Variants in CACNA1E observed in about 807,000 individuals in gnomAD.
CACNA1E encodes the protein voltage-dependent R-type calcium channel subunit alpha-1E.
Under a neutral mutation model 259.2 loss-of-function variants are expected in CACNA1E, and 40 were observed. The observed-to-expected ratio is 0.15, with a 90% CI of 0.12 to 0.20. The LOEUF is 0.20. CACNA1E is among the 10% of genes least tolerant of loss of function. The probability of loss-of-function intolerance (pLI) is 1.00; values close to 1 mark genes in which losing one functional copy is unlikely to be tolerated. For missense variants in CACNA1E, 1,874 were observed against 3,040.1 expected (o/e 0.62, Z 9.02); for synonymous variants, 1,104 against 1,138.5 (o/e 0.97, Z 0.61).
At chr1:181,347,795 G>A (rs1652720267) in intron 1 of CACNA1E, among the ~76,000 whole-genome samples, 1 of 152,260 alleles carries the variant, frequency 6.6e-6, no homozygotes, top group South Asian at 2.1e-4. Context: ...CCTTCACCAC[G>A]AGGAGTTTTT....
At chr1:181,549,987 C>A (rs1647949518) in intron 3 of CACNA1E, among the ~76,000 whole-genome samples, 1 of 152,116 alleles carries the variant, frequency 6.6e-6, no homozygotes, top group Non-Finnish European at 1.5e-5. Flanking sequence ...GCTACATAGA[C>A]CTCCCAGCAC....
At position 181,566,585 on chromosome 1, in the gene CACNA1E, C is replaced by T. The variant is rs1178051226; in HGVS notation, c.513-11181C>T. ...CTTTATTTCTGTATTCTTCGTCTGGCATCCTTTGGGGAACCTCTTCTTGAG... is the reference window on the plus strand; with the variant it reads ...CTTTATTTCTGTATTCTTCGTCTGGTATCCTTTGGGGAACCTCTTCTTGAG... On this transcript the variant is annotated intron_variant, in intron 3 of 47. Coordinates refer to ENST00000367573, the MANE Select transcript of CACNA1E (RefSeq NM_001205293.3). Among the ~76,000 whole-genome samples, 3 of 152,240 alleles carry T rather than the reference C, an allele frequency of 2.0e-5. No individual in the cohort carries two copies. In the East Asian group the frequency reaches 5.8e-4, roughly 29 times the overall value.
chr1:181,807,151 A>G lies in CACNA1E; in HGVS notation c.*8317A>G, dbSNP rs911387877. ...TCTTAAAAAAAAAAAAAAGGAATAA[A>G]AATGTTCTCTGCCTTGGATAACATT... On this transcript the variant is annotated 3_prime_UTR_variant, in exon 48 of 48. Transcript: ENST00000367573. 1 of 152,050 alleles carries G rather than the reference A, an allele frequency of 6.6e-6. No individual in the cohort carries two copies. The highest frequency in any genetic ancestry group is 2.4e-5 in the African/African-American group (1 of 41,398). The allele number at this position is 152,050 out of a possible 1,614,324, so 9.4% of individuals were successfully genotyped here.
At chr1:181,712,556 T>C (rs1442443224) in intron 8 of CACNA1E, among the ~76,000 whole-genome samples, 1 of 152,206 alleles carries the variant, frequency 6.6e-6, no homozygotes, top group Non-Finnish European at 1.5e-5. Context: ...AGAGGGTACC[T>C]GTATGATTGC....
chr1:181,462,308 T>C (rs1326165013), intron 2 of CACNA1E, among the ~76,000 whole-genome samples: 1 of 152,226 alleles, frequency 6.6e-6, no homozygotes, highest in Non-Finnish European at 1.5e-5. Flanking sequence ...TGTGCACATA[T>C]TTATGACTCT....
At chr1:181,475,543 T>C (rs1466562999) in intron 2 of CACNA1E, among the ~76,000 whole-genome samples, 1 of 152,154 alleles carries the variant, frequency 6.6e-6, no homozygotes, top group Non-Finnish European at 1.5e-5. Context: ...GCAGGCGCTG[T>C]GAGCAGGGCT....
At position 181,737,627 on chromosome 1, in the gene CACNA1E, C is replaced by T. The variant is rs774517503; in HGVS notation, c.3525C>T (p.Pro1175=). Residue 1175 remains proline, a synonymous_variant, in exon 23 of 48, where the codon CCC becomes CCT. Transcript: ENST00000367573. ...GCATCGCCCTGGCGGCAGAGGACCC[C>T]GTCCTGACCAACTCGGAGCGCAACA... The part of the protein sequence containing the change: ...ASSIALAAED[P]VLTNSERNKV... 1.6e-4 allele frequency: 251 copies of T among 1,613,898 alleles called. No homozygotes were observed. The highest frequency in any genetic ancestry group is 2.6e-4 in the South Asian group (24 of 91,086).
rs536904186 is a variant in CACNA1E, at chr1:181,743,861, TA to T, written c.3719+4609del. 2.3e-4 allele frequency among the ~76,000 whole-genome samples: 35 copies of T among 152,360 alleles called. 1 individual carries two copies. In the East Asian group the frequency reaches 6.7e-3, roughly 29 times the overall value. On this transcript the variant is annotated intron_variant, in intron 25 of 47. Transcript: ENST00000367573. Reference sequence around the variant, plus strand: ...TTGATCGTCAGCACAGATGGTTTAATAGAAAAATAACTAGCAATTCTGCTCC... The same window carrying T: ...TTGATCGTCAGCACAGATGGTTTAATGAAAAATAACTAGCAATTCTGCTCC...
chr1:181,357,365 A>G (rs146350205), intron 1 of CACNA1E, among the ~76,000 whole-genome samples: 264 of 152,264 alleles, frequency 1.7e-3, no homozygotes, highest in African/African-American at 6.2e-3. Context: ...TATTCAAACT[A>G]TGATTTATTC....
At chr1:181,488,747 C>T (rs1026337908) in intron 1 of CACNA1E, among the ~76,000 whole-genome samples, 3 of 152,060 alleles carry the variant, frequency 2.0e-5, no homozygotes, top group East Asian at 1.9e-4. Context: ...CTGCAATAGG[C>T]GCAGTGCATG....
upstream of CACNA1E, among the ~76,000 whole-genome samples, chr1:181,480,902 A>G (rs76148133): frequency 0.01 from 1,592 of 152,316 alleles, 26 homozygotes; most frequent in African/African-American, 0.037. Context: ...AGGGACTCAA[A>G]GATACTTCTC....
intron 1 of CACNA1E, among the ~76,000 whole-genome samples, chr1:181,337,044 T>TACG (rs1651765833): frequency 6.7e-6 from 1 of 149,830 alleles, no homozygotes; most frequent in Non-Finnish European, 1.5e-5. Flanking sequence ...TTTAAGGTGT[T>TACG]ACATGTTTTG....
intron 7 of CACNA1E, among the ~76,000 whole-genome samples, chr1:181,695,523 C>G (rs1651606564): frequency 6.6e-6 from 1 of 152,162 alleles, no homozygotes; most frequent in African/African-American, 2.4e-5. Context: ...TTGCTGTCAA[C>G]AGACAAATAG....
chr1:181,339,656 C>T (rs566453252), intron 1 of CACNA1E, among the ~76,000 whole-genome samples: 1 of 127,308 alleles, frequency 7.9e-6, no homozygotes, highest in African/African-American at 2.8e-5. Flanking sequence ...TACTGTGTTA[C>T]CAAACATTTT....
At chr1:181,724,865 T>C (rs370193738) in intron 17 of CACNA1E, among the ~76,000 whole-genome samples, 3 of 152,264 alleles carry the variant, frequency 2.0e-5, no homozygotes, top group Admixed American at 2.0e-4. Flanking sequence ...AAGTTCCACC[T>C]CTGCTACTGC....
At chr1:181,774,951 G>A (rs1031257314) in intron 37 of CACNA1E, among the ~76,000 whole-genome samples, 2 of 152,198 alleles carry the variant, frequency 1.3e-5, no homozygotes, top group Non-Finnish European at 2.9e-5. Context: ...GAGTCCTGGG[G>A]CAGAGCAGGC....
At chr1:181,660,230 G>A (rs916260921) in intron 7 of CACNA1E, among the ~76,000 whole-genome samples, 1 of 152,234 alleles carries the variant, frequency 6.6e-6, no homozygotes, top group African/African-American at 2.4e-5. Flanking sequence ...AACTACAGCT[G>A]TCTGCCTTGC....
intron 34 of CACNA1E, among the ~76,000 whole-genome samples, chr1:181,764,750 A>T (rs1159900855): frequency 6.6e-6 from 1 of 152,166 alleles, no homozygotes; most frequent in African/African-American, 2.4e-5. Flanking sequence ...GTGATTTTGG[A>T]TTTAGAATTG....
chr1:181,725,949 T>C (rs1004146777), intron 17 of CACNA1E, 116 bp from the exon 18 acceptor site: 1 of 657,714 alleles, frequency 1.5e-6, no homozygotes, highest in Non-Finnish European at 2.7e-6. Flanking sequence ...TTTATCCTCT[T>C]CCTGTGTCTT....
Sources: allele counts gnomAD v4.1 joint callset (sites outside exome capture counted in the v4.1 genomes callset), GRCh38; gene constraint gnomAD v4.1.1; transcripts MANE v1.5; gene names NCBI Gene and HGNC (gene_info 2026-07-23, HGNC 2026-07-21).